Variants in DENND3 observed in about 807,000 individuals in gnomAD.
DENND3 encodes the protein DENN domain containing 3.
In DENND3, 88 loss-of-function variants were observed where a neutral mutation model predicts 135.1. The observed-to-expected ratio is 0.65, with a 90% CI of 0.55 to 0.78. The LOEUF is 0.78. Ranked by LOEUF, DENND3 falls within the 30% of genes least tolerant of loss-of-function variation. The probability of loss-of-function intolerance (pLI) is 0.00; values close to 1 mark genes in which losing one functional copy is unlikely to be tolerated. For missense variants in DENND3, 1,392 were observed against 1,688.4 expected (o/e 0.82, Z 3.08); for synonymous variants, 693 against 712.3 (o/e 0.97, Z 0.43).
At position 141,167,989 on chromosome 8, in the gene DENND3, C is replaced by T; in HGVS notation, c.1754-15C>T. On this transcript the variant is annotated splice_polypyrimidine_tract_variant and intron_variant, in intron 12 of 22. Transcript: ENST00000519811. The surrounding 1 kb of genome is among the most constrained non-coding windows in gnomAD (Gnocchi z 4.1). ...GTCTGTGCTAATGGTCTCCTTTTCC[C>T]CCTGAATGTTTTAGTTCTGAATGTC... 6.3e-7 allele frequency: 1 copy of T among 1,597,436 alleles called. No homozygotes were observed.
rs1335937435 is a variant in DENND3 at position 141,150,924 on chromosome 8, C to G, written c.826C>G (p.Leu276Val). The G allele has an allele frequency of 1.2e-6, 2 of 1,607,768 alleles. No individual in the cohort carries two copies. Among genetic ancestry groups the G allele is most frequent in the Non-Finnish European group, 1.7e-6 (2 of 1,178,254 alleles). The part of the protein sequence containing the change: ...ILDLDLHLPL[L>V]CFRPEKVLQI... ...GGACCTGGACCTTCACCTGCCCTTG[C>G]TGTGCTTCAGGCCTGAGAAGGTGCT... Residue 276 changes from leucine (L) to valine (V), a missense_variant, in exon 6 of 23, where the codon CTG becomes GTG. By Grantham distance (32) the Leu-to-Val change is conservative (BLOSUM62 1). Coordinates refer to ENST00000519811, the MANE Select transcript of DENND3 (RefSeq NM_001352890.3).
At chr8:141,184,931 G>A in intron 17 of DENND3, 1 of 547,284 alleles carries the variant, frequency 1.8e-6, no homozygotes, top group Non-Finnish European at 3.2e-6. Context: ...CTGTCTTTGT[G>A]GCCCTCTCAC....
intron 13 of DENND3, among the ~76,000 whole-genome samples, chr8:141,169,887 T>A (rs1010063565): frequency 6.6e-6 from 1 of 152,226 alleles, no homozygotes; most frequent in African/African-American, 2.4e-5. Context: ...GTGGGCACCA[T>A]TTGTCCACCT....
At chr8:141,192,919 T>C in intron 22 of DENND3, 1 of 1,446,636 alleles carries the variant, frequency 6.9e-7, no homozygotes, top group Non-Finnish European at 9.2e-7. Context: ...CAGAACTTAA[T>C]TTTCTCACAG....
intron 4 of DENND3, among the ~76,000 whole-genome samples, chr8:141,143,498 G>A (rs1036042495): frequency 3.3e-5 from 5 of 152,010 alleles, no homozygotes; most frequent in Admixed American, 2.6e-4. Context: ...TCAAACTCCC[G>A]GGCTCAAGTG....
chr8:141,168,459 G>T lies in DENND3; in HGVS notation c.2209G>T (p.Val737Phe), dbSNP rs1240868879. 6 of 1,613,734 alleles carry T rather than the reference G, an allele frequency of 3.7e-6. No individual in the cohort carries two copies. The highest frequency in any genetic ancestry group is 5.1e-6 in the Non-Finnish European group (6 of 1,180,000). The change falls in exon 13 of 23, where the codon GTC becomes TTC. Residue 737 changes from valine to phenylalanine, a missense_variant. Val to Phe is a conservative substitution (Grantham distance 50). Transcript: ENST00000519811. This position sits in a 1 kb window ranked among gnomAD's most constrained non-coding sequence, Gnocchi z 6.2. Reference sequence around the variant, plus strand: ...GCAGCTGGGCGACTTCATGAAGCGGGTCCAGGAGTCAGGGATCGTGAAGGA... The same window carrying T: ...GCAGCTGGGCGACTTCATGAAGCGGTTCCAGGAGTCAGGGATCGTGAAGGA... ...HMQLGDFMKR[V>F]QESGIVKDAS... is the part of the protein sequence containing the mutation.
chr8:141,178,693 C>G (rs183637535), intron 16 of DENND3, among the ~76,000 whole-genome samples: 1 of 152,200 alleles, frequency 6.6e-6, no homozygotes, highest in South Asian at 2.1e-4. Flanking sequence ...AGGCCCTGCA[C>G]GTCAGGATCC....
At position 141,128,854 on chromosome 8, in the gene DENND3, A is replaced by C; in HGVS notation, c.102+45A>C. 7.6e-7 allele frequency: 1 copy of C among 1,312,582 alleles called. No individual in the cohort carries two copies. The highest frequency in any genetic ancestry group is 9.9e-7 in the Non-Finnish European group (1 of 1,011,252). 81.3% of individuals were successfully genotyped at this position (1,312,582 alleles called of 1,614,324 possible). On this transcript the variant is annotated intron_variant, in intron 1 of 22. Coordinates refer to ENST00000519811, the MANE Select transcript of DENND3 (RefSeq NM_001352890.3). The surrounding 1 kb of genome is among the most constrained non-coding windows in gnomAD (Gnocchi z 4.5). The stretch of plus-strand genomic sequence containing the variant: ...AGGCGGACGTGGGCCACGAGTCGGC[A>C]GCCGGGACAGCAGTCGGAGAGCGGG...
chr8:141,165,464 C>CGT (rs1820660264), intron 11 of DENND3, among the ~76,000 whole-genome samples, 175 bp downstream of exon 11: 1 of 139,400 alleles, frequency 7.2e-6, no homozygotes, highest in African/African-American at 2.7e-5. Flanking sequence ...TCTACTTCTT[C>CGT]TTTTTTTTTT....
In DENND3 at chr8:141,137,681, G is replaced by A. The variant is rs115032591; in HGVS notation, c.386-341G>A. Reference sequence around the variant, plus strand: ...AATGGCCGAGGTAGGAAACTCAGACGAAGCACCTAGCATAAGCACCCACCT... The same window carrying A: ...AATGGCCGAGGTAGGAAACTCAGACAAAGCACCTAGCATAAGCACCCACCT... On this transcript the variant is annotated intron_variant, in intron 2 of 22. Coordinates refer to ENST00000519811, the MANE Select transcript of DENND3 (RefSeq NM_001352890.3). This position sits in a 1 kb window ranked among gnomAD's most constrained non-coding sequence, Gnocchi z 4.1. Among the ~76,000 whole-genome samples the A allele has an allele frequency of 4.1e-3, 617 of 152,322 alleles. 4 individuals carry two copies. The highest frequency in any genetic ancestry group is 0.014 in the African/African-American group (589 of 41,578).
Position 141,151,725 on chromosome 8 carries a change from AGTGGCAGCACCCCTTC to A in DENND3, c.966_981del (p.Trp322CysfsTer19). On this transcript the variant is annotated frameshift_variant, in exon 7 of 23. Transcript: ENST00000519811. LOFTEE classifies it high-confidence loss of function. ...TTCATGGCCTACCTGTATCCGCTGCAGTGGCAGCACCCCTTCGTGCCCATCCTGTCGGACCAGATGC... is the reference window on the plus strand; with the variant it reads ...TTCATGGCCTACCTGTATCCGCTGCAGTGCCCATCCTGTCGGACCAGATGC... 6.2e-7 allele frequency: 1 copy of A among 1,614,192 alleles called. No individual in the cohort carries two copies. Among genetic ancestry groups the A allele is most frequent in the Non-Finnish European group, 8.5e-7 (1 of 1,180,044 alleles).
intron 17 of DENND3, 189 bp from the exon 18 acceptor site, chr8:141,184,950 T>C (rs1326724396): frequency 3.4e-5 from 21 of 622,016 alleles, no homozygotes; most frequent in Non-Finnish European, 3.2e-5. Context: ...ACCAGCCAGC[T>C]GCCCCCCTTG....
At chr8:141,190,806 G>A (rs765609758) in intron 20 of DENND3, among the ~76,000 whole-genome samples, 76 of 152,220 alleles carry the variant, frequency 5.0e-4, no homozygotes, top group Non-Finnish European at 9.7e-4. Context: ...GGGGCAGCTG[G>A]CGAGCCCGTG....
Position 141,144,068 on chromosome 8 carries a change from A to T in DENND3, c.624-80A>T. 1 of 1,207,174 alleles carries T rather than the reference A, an allele frequency of 8.3e-7. No homozygotes were observed. The highest frequency in any genetic ancestry group is 1.2e-6 in the Non-Finnish European group (1 of 848,698). The allele number at this position is 1,207,174 out of a possible 1,614,324, so 74.8% of individuals were successfully genotyped here. ...CTGCTGCAGACGCTGGGGAGATTCC[A>T]GTGTGATTAGAAACGCTAACGATGA... On this transcript the variant is annotated intron_variant, in intron 4 of 22. Transcript: ENST00000519811. The surrounding 1 kb of genome is among the most constrained non-coding windows in gnomAD (Gnocchi z 4.4).
rs1278691477 is a variant in DENND3, at chr8:141,166,732, G to A, written c.1753+343G>A. On this transcript the variant is annotated intron_variant, in intron 12 of 22. Coordinates refer to ENST00000519811, the MANE Select transcript of DENND3 (RefSeq NM_001352890.3). This position sits in a 1 kb window ranked among gnomAD's most constrained non-coding sequence, Gnocchi z 4.3. ...CCACACGTGTGATAGGAGGCAGGGA[G>A]CGCACCAGGCACTTTCTAGAGCCGG... 1.3e-5 allele frequency among the ~76,000 whole-genome samples: 2 copies of A among 152,202 alleles called. No individual in the cohort carries two copies. Among genetic ancestry groups the A allele is most frequent in the African/African-American group, 2.4e-5 (1 of 41,444 alleles).
intron 13 of DENND3, among the ~76,000 whole-genome samples, chr8:141,171,623 C>T (rs762749461): frequency 3.7e-4 from 56 of 152,348 alleles, no homozygotes; most frequent in African/African-American, 1.2e-3. Flanking sequence ...GCAACAACTG[C>T]GTGCATGACA....
rs1569555037 is a variant in DENND3 at position 141,137,985 on chromosome 8, A to C, written c.386-37A>C. On this transcript the variant is annotated intron_variant, in intron 2 of 22. Coordinates refer to ENST00000519811, the MANE Select transcript of DENND3 (RefSeq NM_001352890.3). This position sits in a 1 kb window ranked among gnomAD's most constrained non-coding sequence, Gnocchi z 4.1. ...TCGTGGGTAACCCAGGCCACTTGGC[A>C]AGAACAGGATTCTTCTCTGTCTCTT... 3 of 1,559,326 alleles carry C rather than the reference A, an allele frequency of 1.9e-6. No individual in the cohort carries two copies. Among genetic ancestry groups the C allele is most frequent in the Non-Finnish European group, 2.6e-6 (3 of 1,150,278 alleles).
At chr8:141,149,654 C>T (rs562779915) in intron 5 of DENND3, among the ~76,000 whole-genome samples, 10 of 152,378 alleles carry the variant, frequency 6.6e-5, no homozygotes, top group African/African-American at 2.4e-4. Context: ...CGCTCTCCCA[C>T]ACTTGCTCAC....
chr8:141,154,079 C>T lies in DENND3; in HGVS notation c.1075-1770C>T, dbSNP rs1819145537. 1.3e-5 allele frequency among the ~76,000 whole-genome samples: 2 copies of T among 152,218 alleles called. No homozygotes were observed. The highest frequency in any genetic ancestry group is 2.9e-5 in the Non-Finnish European group (2 of 68,040). On this transcript the variant is annotated intron_variant, in intron 7 of 22. Coordinates refer to ENST00000519811, the MANE Select transcript of DENND3 (RefSeq NM_001352890.3). The surrounding 1 kb of genome is among the most constrained non-coding windows in gnomAD (Gnocchi z 4.4). ...CACATCCACGGGACCGGCTGTGTGC[C>T]TCGCTGCTTTAGCGTTTTGTGTATT... is the stretch of plus-strand genomic sequence containing the variant.
Sources: allele counts gnomAD v4.1 joint callset (sites outside exome capture counted in the v4.1 genomes callset), GRCh38; gene constraint gnomAD v4.1.1; non-coding constraint Gnocchi (gnomAD v3.1); transcripts MANE v1.5; gene names NCBI Gene and HGNC (gene_info 2026-07-23, HGNC 2026-07-21).